Variants in DLG2 observed in about 807,000 individuals in gnomAD.
The protein encoded by DLG2 is disks large homolog 2.
In DLG2, 45 loss-of-function variants were observed where a neutral mutation model predicts 132.5. The observed-to-expected ratio is 0.34, with a 90% CI of 0.27 to 0.44. DLG2 has a LOEUF of 0.44. Ranked by LOEUF, DLG2 falls within the 20% of genes least tolerant of loss-of-function variation. DLG2 has a pLI of 1.00. For synonymous variants in DLG2, 424 were observed against 419.6 expected, an observed-to-expected ratio of 1.01 and a Z score of -0.13; for missense variants, 1,045 against 1,196.9, an observed-to-expected ratio of 0.87 and a Z score of 1.87.
At chr11:84,566,282 T>G (rs947351754) in intron 6 of DLG2, among the ~76,000 whole-genome samples, 1 of 152,108 alleles carries the variant, frequency 6.6e-6, no homozygotes, top group Non-Finnish European at 1.5e-5. Flanking sequence ...TATTTTTATC[T>G]TATGTCTTAG....
intron 6 of DLG2, among the ~76,000 whole-genome samples, chr11:84,888,446 T>A (rs989557965): frequency 2.0e-5 from 3 of 152,114 alleles, no homozygotes; most frequent in African/African-American, 7.2e-5. Flanking sequence ...GCACCATTCC[T>A]ACTTTTCAGT....
intron 4 of DLG2, among the ~76,000 whole-genome samples, chr11:85,231,707 C>A (rs966351462): frequency 2.0e-5 from 3 of 151,852 alleles, no homozygotes; most frequent in African/African-American, 7.3e-5. Context: ...ATCAAGACTT[C>A]TTTAAAGACT....
intron 6 of DLG2, among the ~76,000 whole-genome samples, chr11:84,548,401 G>A (rs894933851): frequency 6.6e-6 from 1 of 151,910 alleles, no homozygotes; most frequent in African/African-American, 2.4e-5. Flanking sequence ...TTAACGTTAG[G>A]TATATCTCCC....
chr11:84,505,851 T>C (rs188348078), intron 7 of DLG2, among the ~76,000 whole-genome samples: 1 of 152,172 alleles, frequency 6.6e-6, no homozygotes, highest in South Asian at 2.1e-4. Context: ...ATGTATTTTA[T>C]AGTTCAATCT....
chr11:83,891,747 G>A (rs1032004954), intron 15 of DLG2, among the ~76,000 whole-genome samples: 25 of 152,144 alleles, frequency 1.6e-4, no homozygotes, highest in Admixed American at 1.6e-3. Flanking sequence ...GGGTTCCAAG[G>A]CTAAGAAATG....
chr11:84,388,029 G>C (rs2098777846), intron 7 of DLG2, among the ~76,000 whole-genome samples: 1 of 152,152 alleles, frequency 6.6e-6, no homozygotes, highest in Non-Finnish European at 1.5e-5. Context: ...TAGAGTTAAT[G>C]CTCCCCCTTT....
intron 19 of DLG2, among the ~76,000 whole-genome samples, chr11:83,594,476 T>C (rs1034942218): frequency 3.9e-5 from 6 of 152,254 alleles, no homozygotes; most frequent in African/African-American, 1.2e-4. Context: ...ACATTTCAGA[T>C]GCATGATCTT....
At chr11:85,559,538 G>A (rs1209350746) in intron 3 of DLG2, among the ~76,000 whole-genome samples, 6 of 151,248 alleles carry the variant, frequency 4.0e-5, no homozygotes, top group Non-Finnish European at 8.9e-5. Context: ...ATTTATATAT[G>A]TGCTATTCTT....
intron 6 of DLG2, among the ~76,000 whole-genome samples, chr11:84,914,585 A>G (rs567679158): frequency 6.6e-6 from 1 of 152,330 alleles, no homozygotes; most frequent in South Asian, 2.1e-4. Context: ...TCCCTGGCTA[A>G]TGAAAGAAAC....
At chr11:85,281,087 G>A (rs114197884) in intron 4 of DLG2, among the ~76,000 whole-genome samples, 269 of 152,064 alleles carry the variant, frequency 1.8e-3, no homozygotes, top group African/African-American at 6.1e-3. Context: ...TGAGCAGCTA[G>A]AATTCTATCA....
Position 85,023,114 on chromosome 11 carries a change from A to G in DLG2, c.357+88547T>C, listed in dbSNP as rs139382935. On this transcript the variant is annotated intron_variant, in intron 6 of 27. Transcript: ENST00000376104. ...AGTTAGGAGTTTTTTTCTCTCACTT[A>G]TCAGTAAACCTGAAGGCTTAATATA... is the stretch of plus-strand genomic sequence containing the variant. Among the ~76,000 whole-genome samples the G allele has an allele frequency of 2.0e-5, 3 of 152,214 alleles. No homozygotes were observed. The East Asian group carries it at 5.8e-4, about 29-fold the overall frequency.
chr11:84,146,955 T>C (rs2095108592), intron 9 of DLG2, among the ~76,000 whole-genome samples: 1 of 152,092 alleles, frequency 6.6e-6, no homozygotes, highest in Non-Finnish European at 1.5e-5. Flanking sequence ...CATTACTTCA[T>C]ATGGCAAAAA....
intron 6 of DLG2, among the ~76,000 whole-genome samples, chr11:84,798,069 G>C (rs2074893856): frequency 6.6e-6 from 1 of 152,102 alleles, no homozygotes. Context: ...TGGGGGTAGG[G>C]TAACACAAGC....
At chr11:83,987,251 T>C (rs374971746) in intron 11 of DLG2, among the ~76,000 whole-genome samples, 8 of 151,968 alleles carry the variant, frequency 5.3e-5, no homozygotes, top group South Asian at 2.1e-4. Context: ...GAATCAATAT[T>C]GTGAAAATGG....
chr11:83,887,018 C>A (rs2068096336), intron 15 of DLG2, among the ~76,000 whole-genome samples: 1 of 151,974 alleles, frequency 6.6e-6, no homozygotes, highest in South Asian at 2.1e-4. Context: ...AATTGACACC[C>A]TAACATCACA....
At chr11:83,770,658 A>G (rs908424910) in intron 18 of DLG2, among the ~76,000 whole-genome samples, 1 of 152,170 alleles carries the variant, frequency 6.6e-6, no homozygotes, top group Non-Finnish European at 1.5e-5. Context: ...ATAAAATAAT[A>G]TACATTATGC....
intron 7 of DLG2, among the ~76,000 whole-genome samples, chr11:84,299,364 G>C (rs1230891861): frequency 6.6e-6 from 1 of 152,302 alleles, no homozygotes; most frequent in East Asian, 1.9e-4. Context: ...ATTGCAAACA[G>C]TTTATGGGAA....
At chr11:83,916,467 C>G (rs140512379) in intron 15 of DLG2, among the ~76,000 whole-genome samples, 9 of 152,102 alleles carry the variant, frequency 5.9e-5, no homozygotes, top group African/African-American at 2.2e-4. Flanking sequence ...AGGATCATGA[C>G]AGTATGCCTG....
intron 3 of DLG2, among the ~76,000 whole-genome samples, chr11:85,324,385 C>T (rs1055933493): frequency 6.6e-6 from 1 of 152,080 alleles, no homozygotes; most frequent in Non-Finnish European, 1.5e-5. Context: ...ATATCCTTAG[C>T]TCTTACTACA....
Sources: gnomAD v4.1 joint callset for allele counts (sites outside exome capture counted in the v4.1 genomes callset) on GRCh38, gnomAD v4.1.1 for gene constraint, MANE v1.5 for transcripts, NCBI Gene and HGNC (gene_info 2026-07-23, HGNC 2026-07-21) for gene names.